The following ABHD13 variants were observed in gnomAD, a reference collection of about 807,000 sequenced individuals.
ABHD13 encodes protein ABHD13.
In ABHD13, 7 loss-of-function variants were observed where a neutral mutation model predicts 25.2. That is an observed-to-expected ratio of 0.28 (90% CI 0.16 to 0.52). The LOEUF is 0.52. ABHD13 is among the 20% of genes least tolerant of loss of function. The pLI is 0.96. For synonymous variants in ABHD13, 133 were observed against 136.1 expected (o/e 0.98, Z 0.16); for missense variants, 302 against 402.7 (o/e 0.75, Z 2.14).
intron 1 of ABHD13, among the ~76,000 whole-genome samples, chr13:108,223,110 G>A (rs541082687): frequency 2.0e-4 from 31 of 152,244 alleles, no homozygotes; most frequent in Non-Finnish European, 3.8e-4. Flanking sequence ...TTTTACTCAC[G>A]TTTGCTTGAT....
chr13:108,219,875 G>A (rs1246755121), intron 1 of ABHD13, among the ~76,000 whole-genome samples: 1 of 152,184 alleles, frequency 6.6e-6, no homozygotes, highest in Non-Finnish European at 1.5e-5. Context: ...GAGAAAGAGT[G>A]CATTGCTCTG....
chr13:108,225,017 C>T (rs1879645512), intron 1 of ABHD13, among the ~76,000 whole-genome samples: 1 of 152,116 alleles, frequency 6.6e-6, no homozygotes, highest in African/African-American at 2.4e-5. Context: ...CAAACCACTT[C>T]ATTTAGAAAG....
Position 108,229,531 on chromosome 13 carries a change from C to T in ABHD13, c.313C>T (p.Arg105Ter). Residue 105 changes from arginine (R) to a stop codon, truncating the protein, a stop_gained, in exon 2 of 2, where the codon CGA (arginine) becomes TGA (stop). Coordinates refer to ENST00000375898, the MANE Select transcript of ABHD13 (RefSeq NM_032859.3). LOFTEE classifies it high-confidence loss of function. The surrounding 1 kb of genome is among the most constrained non-coding windows in gnomAD (Gnocchi z 4.7). ...AATACGTCTGAATCTTATTTTGATA[C>T]GATACACTGGAGACAATTCACCCTA... ...DGIRLNLILI[R>*]YTGDNSPYSP... 2 of 1,613,372 alleles carry T rather than the reference C, an allele frequency of 1.2e-6. No individual in the cohort carries two copies. Among genetic ancestry groups the T allele is most frequent in the Non-Finnish European group, 1.7e-6 (2 of 1,179,542 alleles).
intron 1 of ABHD13, among the ~76,000 whole-genome samples, chr13:108,223,339 A>G (rs989055964): frequency 6.6e-6 from 1 of 152,234 alleles, no homozygotes; most frequent in African/African-American, 2.4e-5. Flanking sequence ...GTCTTTTTAA[A>G]TAAAAATGTT....
chr13:108,226,629 G>T (rs16972155), intron 1 of ABHD13, among the ~76,000 whole-genome samples: 10 of 152,122 alleles, frequency 6.6e-5, no homozygotes, highest in Admixed American at 5.2e-4. Context: ...AAAACATAAT[G>T]CTGGCTGTAG....
chr13:108,229,403 A>G lies in ABHD13; in HGVS notation c.185A>G (p.Asp62Gly), dbSNP rs1430063809. The change falls in exon 2 of 2, where the codon GAT becomes GGT. Residue 62 changes from aspartate to glycine, a missense_variant. Transcript: ENST00000375898. This position sits in a 1 kb window ranked among gnomAD's most constrained non-coding sequence, Gnocchi z 4.7. The stretch of plus-strand genomic sequence containing the variant: ...GCAGGTATTCTGTATAAATTCCAGG[A>G]TGTATTGCTTTATTTTCCAGAACAG... The part of the protein sequence containing the change: ...SIAGILYKFQ[D>G]VLLYFPEQPS... The G allele has an allele frequency of 6.2e-7, 1 of 1,612,290 alleles. No homozygotes were observed. The highest frequency in any genetic ancestry group is 2.2e-5 in the East Asian group (1 of 44,870).
At position 108,229,469 on chromosome 13, in the gene ABHD13, T is replaced by G. The variant is rs1223316420; in HGVS notation, c.251T>G (p.Ile84Ser). The G allele has an allele frequency of 9.9e-6, 16 of 1,613,586 alleles. No homozygotes were observed. Among genetic ancestry groups the G allele is most frequent in the Non-Finnish European group, 1.4e-5 (16 of 1,179,634 alleles). The change falls in exon 2 of 2, where the codon ATT (isoleucine) becomes AGT (serine). Residue 84 changes from isoleucine (I) to serine (S), a missense_variant. Ile to Ser is a moderately radical substitution (Grantham distance 142). Transcript: ENST00000375898. This position sits in a 1 kb window ranked among gnomAD's most constrained non-coding sequence, Gnocchi z 4.7. The stretch of plus-strand genomic sequence containing the variant: ...CTTTATGTTCCCATGCCCACTGGCA[T>G]TCCACATGAAAACATTTTCATCAGA... ...SRLYVPMPTGIPHENIFIRTK... is the reference protein window; with the variant it reads ...SRLYVPMPTGSPHENIFIRTK...
chr13:108,232,302 T>C lies in ABHD13; in HGVS notation c.*2070T>C, dbSNP rs1395402911. ...AATTTTAAGCCAGGACTTCAAAAAT[T>C]GTAGAGTACTTGTTTGGCGTTCCCT... On this transcript the variant is annotated 3_prime_UTR_variant, in exon 2 of 2. Coordinates refer to ENST00000375898, the MANE Select transcript of ABHD13 (RefSeq NM_032859.3). The C allele has an allele frequency of 2.4e-5, 4 of 166,928 alleles. No individual in the cohort carries two copies. The Admixed American group carries it at 2.6e-4, about 11-fold the overall frequency. 10.3% of individuals were successfully genotyped at this position (166,928 alleles called of 1,614,324 possible).
rs773662362 is a variant in ABHD13, at chr13:108,229,744, G to A, written c.526G>A (p.Val176Met). 9.3e-6 allele frequency: 15 copies of A among 1,613,264 alleles called. No homozygotes were observed. Among genetic ancestry groups the A allele is most frequent in the Middle Eastern group, 1.6e-4 (1 of 6,082 alleles). Reference sequence around the variant, plus strand: ...AGATTCTGAAGCTGTGTTAGACTACGTGATGACTAGACCTGACCTTGATAA... The same window carrying A: ...AGATTCTGAAGCTGTGTTAGACTACATGATGACTAGACCTGACCTTGATAA... ...YLDSEAVLDY[V>M]MTRPDLDKTK... The change falls in exon 2 of 2, where the codon GTG becomes ATG. Residue 176 changes from valine (V) to methionine (M), a missense_variant. Val to Met is a conservative substitution (Grantham distance 21, BLOSUM62 1). Coordinates refer to ENST00000375898, the MANE Select transcript of ABHD13 (RefSeq NM_032859.3). The surrounding 1 kb of genome is among the most constrained non-coding windows in gnomAD (Gnocchi z 4.7).
chr13:108,227,739 A>G (rs1445296821), intron 1 of ABHD13, among the ~76,000 whole-genome samples: 1 of 152,068 alleles, frequency 6.6e-6, no homozygotes, highest in African/African-American at 2.4e-5. Flanking sequence ...CCAGCCTCAT[A>G]GGTAAGCATT....
chr13:108,229,440 A>G lies in ABHD13; in HGVS notation c.222A>G (p.Ser74=). Residue 74 remains serine (S), a synonymous_variant, in exon 2 of 2, where the codon TCA becomes TCG. Coordinates refer to ENST00000375898, the MANE Select transcript of ABHD13 (RefSeq NM_032859.3). The surrounding 1 kb of genome is among the most constrained non-coding windows in gnomAD (Gnocchi z 4.7). Reference sequence around the variant, plus strand: ...ATTTTCCAGAACAGCCATCCTCTTCACGTCTTTATGTTCCCATGCCCACTG... The same window carrying G: ...ATTTTCCAGAACAGCCATCCTCTTCGCGTCTTTATGTTCCCATGCCCACTG... ...LLYFPEQPSS[S]RLYVPMPTGI... is the part of the protein sequence containing the mutation. 1.2e-6 allele frequency: 2 copies of G among 1,613,300 alleles called. No individual in the cohort carries two copies. The highest frequency in any genetic ancestry group is 1.1e-5 in the South Asian group (1 of 90,986).
chr13:108,230,154 A>G lies in ABHD13; in HGVS notation c.936A>G (p.Glu312=). The change falls in exon 2 of 2, where the codon GAA becomes GAG. Residue 312 remains glutamate, a synonymous_variant. Transcript: ENST00000375898. The stretch of plus-strand genomic sequence containing the variant: ...GCCAAGGCTATTTCACTGCACTTGA[A>G]CAGTTCATCAAAGAAGTCGTAAAGA... The part of the protein sequence containing the change: ...WQCQGYFTAL[E]QFIKEVVKSH... 3.7e-6 allele frequency: 6 copies of G among 1,612,856 alleles called. No homozygotes were observed. The highest frequency in any genetic ancestry group is 5.1e-6 in the Non-Finnish European group (6 of 1,179,204).
At chr13:108,224,770 G>C (rs1282917995) in intron 1 of ABHD13, among the ~76,000 whole-genome samples, 1 of 152,126 alleles carries the variant, frequency 6.6e-6, no homozygotes, top group Non-Finnish European at 1.5e-5. Flanking sequence ...GAGCACTAGA[G>C]GTGACTACAA....
At position 108,229,198 on chromosome 13, in the gene ABHD13, G is replaced by A. The variant is rs778397270; in HGVS notation, c.-20-1G>A. On this transcript the variant is annotated splice_acceptor_variant, in intron 1 of 1. Transcript: ENST00000375898. LOFTEE classifies it low-confidence loss of function (5UTR_SPLICE). The surrounding 1 kb of genome is among the most constrained non-coding windows in gnomAD (Gnocchi z 4.7). ...TTGATATTCTCCCTCTCTCTCTCTA[G>A]GATACTTACAGAGAGCTACAATGGA... 6.6e-7 allele frequency: 1 copy of A among 1,518,458 alleles called. No individual in the cohort carries two copies. Among genetic ancestry groups the A allele is most frequent in the Non-Finnish European group, 8.8e-7 (1 of 1,136,174 alleles). 94.1% of individuals were successfully genotyped at this position (1,518,458 alleles called of 1,614,324 possible).
intron 1 of ABHD13, among the ~76,000 whole-genome samples, chr13:108,219,320 G>C (rs1413935273): frequency 6.6e-6 from 1 of 151,968 alleles, no homozygotes; most frequent in Non-Finnish European, 1.5e-5. Context: ...TACTACCCAA[G>C]GTATCGAAAC....
intron 1 of ABHD13, among the ~76,000 whole-genome samples, chr13:108,219,836 G>T (rs1879514178): frequency 6.6e-6 from 1 of 152,106 alleles, no homozygotes; most frequent in African/African-American, 2.4e-5. Context: ...GCTTTCTAGA[G>T]GATCTACTAC....
intron 1 of ABHD13, among the ~76,000 whole-genome samples, chr13:108,226,254 C>A (rs1234836062): frequency 1.3e-5 from 2 of 152,170 alleles, no homozygotes; most frequent in Admixed American, 6.6e-5. Context: ...GTGAGCACCA[C>A]CCTGGCTTAG....
At position 108,229,788 on chromosome 13, in the gene ABHD13, T is replaced by C. The variant is rs1384237331; in HGVS notation, c.570T>C (p.Phe190=). The stretch of plus-strand genomic sequence containing the variant: ...TTGATAAAACAAAAATTTTTCTTTT[T>C]GGCCGTTCCTTGGGTGGAGCAGTGG... ...PDLDKTKIFL[F]GRSLGGAVAI... is the part of the protein sequence containing the mutation. The change falls in exon 2 of 2, where the codon TTT becomes TTC. Residue 190 remains phenylalanine, a synonymous_variant. Coordinates refer to ENST00000375898, the MANE Select transcript of ABHD13 (RefSeq NM_032859.3). The surrounding 1 kb of genome is among the most constrained non-coding windows in gnomAD (Gnocchi z 4.7). The C allele has an allele frequency of 1.2e-6, 2 of 1,613,218 alleles. No homozygotes were observed. Among genetic ancestry groups the C allele is most frequent in the Non-Finnish European group, 1.7e-6 (2 of 1,179,446 alleles).
chr13:108,229,306 C>T lies in ABHD13; in HGVS notation c.88C>T (p.Leu30Phe). 2 of 1,611,236 alleles carry T rather than the reference C, an allele frequency of 1.2e-6. No individual in the cohort carries two copies. The highest frequency in any genetic ancestry group is 1.7e-6 in the Non-Finnish European group (2 of 1,178,774). ...SWSWALCRIS[L>F]LPLIVTFHLY... is the part of the protein sequence containing the mutation. ...GTCTTGGGCTCTCTGCCGTATTTCTCTTTTACCTTTAATAGTGACTTTTCA... is the reference window on the plus strand; with the variant it reads ...GTCTTGGGCTCTCTGCCGTATTTCTTTTTTACCTTTAATAGTGACTTTTCA... Residue 30 changes from leucine to phenylalanine, a missense_variant, in exon 2 of 2, where the codon CTT becomes TTT. Transcript: ENST00000375898. This position sits in a 1 kb window ranked among gnomAD's most constrained non-coding sequence, Gnocchi z 4.7.
Sources: gnomAD v4.1 joint callset for allele counts (sites outside exome capture counted in the v4.1 genomes callset) on GRCh38, gnomAD v4.1.1 for gene constraint, Gnocchi (gnomAD v3.1) non-coding constraint, MANE v1.5 for transcripts, NCBI Gene and HGNC (gene_info 2026-07-23, HGNC 2026-07-21) for gene names.